RGL1: variants seen among roughly 807,000 people sequenced by gnomAD.
The protein encoded by RGL1 is ral guanine nucleotide dissociation stimulator-like 1.
Under a neutral mutation model 95.2 loss-of-function variants are expected in RGL1, and 24 were observed. That is an observed-to-expected ratio of 0.25 (90% CI 0.18 to 0.35). The LOEUF (loss-of-function observed/expected upper bound fraction) is 0.35. Among genes scored for constraint, RGL1 ranks in the 10% least tolerant of loss-of-function variants. The pLI, the probability that RGL1 is intolerant of heterozygous loss-of-function variation, is 1.00. For synonymous variants in RGL1, 329 were observed against 344.9 expected, an observed-to-expected ratio of 0.95 and a Z score of 0.51; for missense variants, 715 against 936.3, an observed-to-expected ratio of 0.76 and a Z score of 3.08.
At chr1:183,803,533 G>A (rs1661105321), upstream of RGL1, among the ~76,000 whole-genome samples, 1 of 152,198 alleles carries the variant, frequency 6.6e-6, no homozygotes, top group Non-Finnish European at 1.5e-5. Flanking sequence ...AGAGAAAGGT[G>A]AGTAGCTCTG....
In RGL1 at chr1:183,796,886, CAT is replaced by C. The variant is rs375884575; in HGVS notation, c.133-9488_133-9487del. Among the ~76,000 whole-genome samples the C allele has an allele frequency of 2.9e-4, 44 of 152,328 alleles. No individual in the cohort carries two copies. The East Asian group carries it at 8.5e-3, about 29-fold the overall frequency. On this transcript the variant is annotated intron_variant, in intron 2 of 18. Coordinates refer to the RGL1 transcript ENST00000304685. ...GGTTGTATGTTTTGATCTTTTCAAA[CAT>C]GTGGACAAATTTCTGGCTGGCTGTC...
At chr1:183,861,591 A>C (rs2102580501) in intron 3 of RGL1, among the ~76,000 whole-genome samples, 1 of 152,292 alleles carries the variant, frequency 6.6e-6, no homozygotes, top group East Asian at 1.9e-4. Context: ...GACATTTGTA[A>C]ATTTTTCTTT....
chr1:183,835,288 A>G (rs904477137), intron 2 of RGL1, among the ~76,000 whole-genome samples: 1 of 152,130 alleles, frequency 6.6e-6, no homozygotes, highest in Non-Finnish European at 1.5e-5. Flanking sequence ...GCTGTATCCC[A>G]TAATCAATCA....
At chr1:183,644,450 G>A (rs1004244359) in intron 1 of RGL1, among the ~76,000 whole-genome samples, 1 of 152,022 alleles carries the variant, frequency 6.6e-6, no homozygotes, top group Non-Finnish European at 1.5e-5. Context: ...TTTAGAAACA[G>A]GGTCTTGCTA....
At chr1:183,834,942 C>T (rs1049565183) in intron 2 of RGL1, among the ~76,000 whole-genome samples, 5 of 152,172 alleles carry the variant, frequency 3.3e-5, no homozygotes, top group South Asian at 2.1e-4. Flanking sequence ...TTCAGCCTCC[C>T]AAAGCACTGG....
At chr1:183,904,758 T>G in intron 12 of RGL1, 92 bp from the exon 13 acceptor site, 1 of 1,293,400 alleles carries the variant, frequency 7.7e-7, no homozygotes, top group Non-Finnish European at 1.1e-6. Context: ...TTTATCCTAA[T>G]GTGGTATATT....
intron 2 of RGL1, among the ~76,000 whole-genome samples, chr1:183,745,964 C>T (rs1029447049): frequency 2.6e-5 from 4 of 151,764 alleles, no homozygotes; most frequent in African/African-American, 9.7e-5. Flanking sequence ...AATATTTGAT[C>T]CCACATTCTT....
intron 2 of RGL1, among the ~76,000 whole-genome samples, chr1:183,792,810 A>G (rs1056930593): frequency 1.3e-5 from 2 of 152,166 alleles, no homozygotes; most frequent in African/African-American, 4.8e-5. Flanking sequence ...GAGAACACAA[A>G]CAAAGGAAAG....
chr1:183,714,396 A>T (rs372269826), intron 1 of RGL1, among the ~76,000 whole-genome samples: 6 of 152,338 alleles, frequency 3.9e-5, no homozygotes, highest in African/African-American at 1.4e-4. Context: ...TAGAGAACCT[A>T]TTCCATCTAT....
At chr1:183,874,014 CCTT>C (rs1158778050) in intron 4 of RGL1, among the ~76,000 whole-genome samples, 1 of 152,128 alleles carries the variant, frequency 6.6e-6, no homozygotes, top group Non-Finnish European at 1.5e-5. Context: ...ATGAAAACTC[CCTT>C]CTTGGACTGT....
intron 1 of RGL1, among the ~76,000 whole-genome samples, chr1:183,689,497 A>G (rs972645574): frequency 6.6e-6 from 1 of 152,146 alleles, no homozygotes; most frequent in African/African-American, 2.4e-5. Flanking sequence ...CTATGACTTC[A>G]CTAACATTTC....
intron 1 of RGL1, among the ~76,000 whole-genome samples, chr1:183,689,733 T>A (rs1653829194): frequency 6.6e-6 from 1 of 152,172 alleles, no homozygotes; most frequent in Non-Finnish European, 1.5e-5. Flanking sequence ...CTCATAAAGT[T>A]GTGATTCCTG....
chr1:183,869,420 C>T (rs1351148186), intron 4 of RGL1, among the ~76,000 whole-genome samples: 1 of 152,198 alleles, frequency 6.6e-6, no homozygotes, highest in Non-Finnish European at 1.5e-5. Flanking sequence ...ATGGTCCTTT[C>T]CTAAAGTCTC....
upstream of RGL1, among the ~76,000 whole-genome samples, chr1:183,800,172 T>C (rs1291104375): frequency 6.6e-6 from 1 of 152,192 alleles, no homozygotes; most frequent in East Asian, 1.9e-4. Context: ...CATGCTGTCA[T>C]AATTTTTATA....
chr1:183,636,269 A>G (rs1572203101), exon 1 of RGL1: 1 of 398,422 alleles, frequency 2.5e-6, no homozygotes, highest in Non-Finnish European at 4.4e-6. Flanking sequence ...TGGTAGGAGT[A>G]TGAGGCAGAG....
At chr1:183,925,673 T>C (rs953285867) in intron 17 of RGL1, among the ~76,000 whole-genome samples, 1 of 152,226 alleles carries the variant, frequency 6.6e-6, no homozygotes, top group Non-Finnish European at 1.5e-5. Context: ...GTTTTTTCTA[T>C]GTCATTGGAT....
At chr1:183,669,238 G>T (rs1374594749) in intron 1 of RGL1, among the ~76,000 whole-genome samples, 2 of 152,090 alleles carry the variant, frequency 1.3e-5, no homozygotes, top group Non-Finnish European at 2.9e-5. Flanking sequence ...TTATTGTTAT[G>T]TCCCCAAGCT....
At chr1:183,894,993 T>C (rs1003434358) in intron 9 of RGL1, among the ~76,000 whole-genome samples, 7 of 152,224 alleles carry the variant, frequency 4.6e-5, no homozygotes, top group African/African-American at 1.7e-4. Context: ...TTTCAAGACA[T>C]CAGGGAAGAA....
chr1:183,789,044 G>A (rs938508363), intron 2 of RGL1, among the ~76,000 whole-genome samples: 2 of 152,182 alleles, frequency 1.3e-5, no homozygotes, highest in Non-Finnish European at 2.9e-5. Context: ...ACTGTAATAG[G>A]AGGTTTTCTC....
Sources: gnomAD v4.1 joint callset for allele counts (sites outside exome capture counted in the v4.1 genomes callset) on GRCh38, gnomAD v4.1.1 for gene constraint, MANE v1.5 for transcripts, NCBI Gene and HGNC (gene_info 2026-07-23, HGNC 2026-07-21) for gene names.